Variants in GALNT18 observed in about 807,000 individuals in gnomAD.
The protein encoded by GALNT18 is polypeptide N-acetylgalactosaminyltransferase 18, also known as GalNAc-transferase 18.
A neutral mutation model predicts 69.5 loss-of-function variants in GALNT18; 44 were observed. The observed-to-expected ratio is 0.63, with a 90% CI of 0.50 to 0.81. The LOEUF is 0.81. GALNT18 is among the 40% of genes least tolerant of loss of function. The pLI is 0.00. For missense variants in GALNT18, 715 were observed against 810.0 expected (o/e 0.88, Z 1.42); for synonymous variants, 364 against 318.2 (o/e 1.14, Z -1.53).
At position 11,619,571 on chromosome 11, in the gene GALNT18, A is replaced by C. The variant is rs1860136181; in HGVS notation, c.235+1788T>G. ...GCTCACCTCCTGCCTGACCAGAAAGAAAAGCACAAGAGAATCATTTTCCAG... is the reference window on the plus strand; with the variant it reads ...GCTCACCTCCTGCCTGACCAGAAAGCAAAGCACAAGAGAATCATTTTCCAG... On this transcript the variant is annotated intron_variant, in intron 1 of 10. Transcript: ENST00000227756. The surrounding 1 kb of genome is among the most constrained non-coding windows in gnomAD (Gnocchi z 4.9). Among the ~76,000 whole-genome samples the C allele has an allele frequency of 6.6e-6, 1 of 152,170 alleles. No individual in the cohort carries two copies. Among genetic ancestry groups the C allele is most frequent in the South Asian group, 2.1e-4 (1 of 4,830 alleles).
chr11:11,529,638 T>C (rs7104918), intron 1 of GALNT18, among the ~76,000 whole-genome samples: 1,373 of 72,930 alleles, frequency 0.019, 19 homozygotes, highest in African/African-American at 0.073. Flanking sequence ...TATATATATA[T>C]ACACACACAC....
intron 6 of GALNT18, among the ~76,000 whole-genome samples, chr11:11,350,436 T>C (rs112114856): frequency 2.0e-5 from 3 of 152,324 alleles, no homozygotes; most frequent in African/African-American, 7.2e-5. Flanking sequence ...AAATCTCATA[T>C]CAGCCAACAG....
rs111831641 is a variant in GALNT18, at chr11:11,573,290, T to G, written c.235+48069A>C. Among the ~76,000 whole-genome samples the G allele has an allele frequency of 6.6e-6, 1 of 152,056 alleles. No homozygotes were observed. Among genetic ancestry groups the G allele is most frequent in the East Asian group, 1.9e-4 (1 of 5,184 alleles). On this transcript the variant is annotated intron_variant, in intron 1 of 10. Coordinates refer to ENST00000227756, the MANE Select transcript of GALNT18 (RefSeq NM_198516.3). The surrounding 1 kb of genome is among the most constrained non-coding windows in gnomAD (Gnocchi z 4.6). ...GAAGATGGAGCTCTCTGTCCCCGGG[T>G]GGGGCCGCAGCATCACAGTGCCTGT...
At chr11:11,296,179 A>G (rs747120190) in intron 9 of GALNT18, among the ~76,000 whole-genome samples, 4 of 152,192 alleles carry the variant, frequency 2.6e-5, no homozygotes, top group African/African-American at 9.6e-5. Flanking sequence ...TGGAGAAGCC[A>G]TGCCGCATTA....
intron 1 of GALNT18, among the ~76,000 whole-genome samples, chr11:11,585,569 T>C (rs139502490): frequency 0.016 from 2,440 of 152,116 alleles, 69 homozygotes; most frequent in African/African-American, 0.056. Flanking sequence ...TTGGTCAGGC[T>C]GGTCTCGAAC....
At chr11:11,345,845 G>T (rs1179970023) in intron 6 of GALNT18, among the ~76,000 whole-genome samples, 1 of 152,170 alleles carries the variant, frequency 6.6e-6, no homozygotes, top group African/African-American at 2.4e-5. Flanking sequence ...GGCACAGGAA[G>T]AAACCACCAA....
chr11:11,395,473 C>A (rs895322689), intron 3 of GALNT18, among the ~76,000 whole-genome samples: 1 of 152,176 alleles, frequency 6.6e-6, no homozygotes. Context: ...TTAGTCTTCA[C>A]AATGATCCCA....
At chr11:11,280,517 G>A (rs1849050115) in intron 10 of GALNT18, among the ~76,000 whole-genome samples, 1 of 152,076 alleles carries the variant, frequency 6.6e-6, no homozygotes, top group Admixed American at 6.5e-5. Flanking sequence ...GCTCCCCTGA[G>A]GCTTCCCCAG....
intron 3 of GALNT18, among the ~76,000 whole-genome samples, chr11:11,419,334 C>T (rs1194686561): frequency 5.9e-5 from 9 of 152,072 alleles, no homozygotes; most frequent in East Asian, 1.9e-4. Context: ...TGGTGGCTCA[C>T]GCCTGTAATC....
intron 1 of GALNT18, among the ~76,000 whole-genome samples, chr11:11,525,677 C>G (rs1857504538): frequency 6.7e-6 from 1 of 148,554 alleles, no homozygotes; most frequent in African/African-American, 2.5e-5. Context: ...TTTTGTTGCC[C>G]AGGCTGAAGT....
chr11:11,602,979 T>C lies in GALNT18; in HGVS notation c.235+18380A>G, dbSNP rs1206596474. On this transcript the variant is annotated intron_variant, in intron 1 of 10. Coordinates refer to ENST00000227756, the MANE Select transcript of GALNT18 (RefSeq NM_198516.3). The surrounding 1 kb of genome is among the most constrained non-coding windows in gnomAD (Gnocchi z 4.7). ...GGTTTCTAGGGAAAATAGATCAGAA[T>C]ATTTAAAATTGGGTTGTCCCATATA... Among the ~76,000 whole-genome samples the C allele has an allele frequency of 6.6e-6, 1 of 152,250 alleles. No homozygotes were observed. The highest frequency in any genetic ancestry group is 1.5e-5 in the Non-Finnish European group (1 of 68,044).
At chr11:11,565,594 T>C (rs1417278126) in intron 1 of GALNT18, among the ~76,000 whole-genome samples, 1 of 152,222 alleles carries the variant, frequency 6.6e-6, no homozygotes, top group Non-Finnish European at 1.5e-5. Context: ...CCCTGCACCA[T>C]GGAGGAATCC....
chr11:11,548,310 G>A (rs1590089223), intron 1 of GALNT18, among the ~76,000 whole-genome samples: 1 of 152,260 alleles, frequency 6.6e-6, no homozygotes, highest in East Asian at 1.9e-4. Flanking sequence ...GCACTGCATG[G>A]AACACCCTAG....
chr11:11,532,764 GTGC>G (rs1857684794), intron 1 of GALNT18, among the ~76,000 whole-genome samples: 1 of 152,246 alleles, frequency 6.6e-6, no homozygotes, highest in African/African-American at 2.4e-5. Flanking sequence ...TCCAGGACAA[GTGC>G]TTTCTGACTG....
intron 6 of GALNT18, among the ~76,000 whole-genome samples, chr11:11,355,113 G>A (rs562082536): frequency 2.2e-3 from 334 of 152,168 alleles, no homozygotes; most frequent in African/African-American, 7.5e-3. Context: ...CCTTCAATCC[G>A]TATTGCCCTC....
rs1264436978 is a variant in GALNT18, at chr11:11,494,719, AC to A, written c.236-45784del. Among the ~76,000 whole-genome samples, 1 of 152,214 alleles carries A rather than the reference AC, an allele frequency of 6.6e-6. No homozygotes were observed. The highest frequency in any genetic ancestry group is 1.5e-5 in the Non-Finnish European group (1 of 68,042). ...AGTTCCTCTTCTATTCTGTCAGTAC[AC>A]ACACTCCTCATCCTGGGGCATTTCC... is the stretch of plus-strand genomic sequence containing the variant. On this transcript the variant is annotated intron_variant, in intron 1 of 10. Coordinates refer to ENST00000227756, the MANE Select transcript of GALNT18 (RefSeq NM_198516.3). This position sits in a 1 kb window ranked among gnomAD's most constrained non-coding sequence, Gnocchi z 5.7.
chr11:11,395,238 G>GCC (rs1854300332), intron 3 of GALNT18, among the ~76,000 whole-genome samples: 1 of 152,304 alleles, frequency 6.6e-6, no homozygotes, highest in African/African-American at 2.4e-5. Flanking sequence ...AATGCTGCTG[G>GCC]CCCAAGAGAG....
rs1854092736 is a variant in GALNT18, at chr11:11,387,896, C to G, written c.596-8632G>C. On this transcript the variant is annotated intron_variant, in intron 3 of 10. Coordinates refer to ENST00000227756, the MANE Select transcript of GALNT18 (RefSeq NM_198516.3). The surrounding 1 kb of genome is among the most constrained non-coding windows in gnomAD (Gnocchi z 4.6). ...GTATTCCTCTGTCTTGAAGATCACT[C>G]CAGACAAGCTTTCAAACCCTGGGCA... Among the ~76,000 whole-genome samples, 1 of 152,196 alleles carries G rather than the reference C, an allele frequency of 6.6e-6. No individual in the cohort carries two copies. Among genetic ancestry groups the G allele is most frequent in the Non-Finnish European group, 1.5e-5 (1 of 68,036 alleles).
At chr11:11,488,677 C>T (rs1298201454) in intron 1 of GALNT18, among the ~76,000 whole-genome samples, 3 of 152,058 alleles carry the variant, frequency 2.0e-5, no homozygotes, top group Non-Finnish European at 2.9e-5. Context: ...AACTCCTGGC[C>T]CTTGGCAGCA....
Sources: allele counts gnomAD v4.1 joint callset (sites outside exome capture counted in the v4.1 genomes callset), GRCh38; gene constraint gnomAD v4.1.1; non-coding constraint Gnocchi (gnomAD v3.1); transcripts MANE v1.5; gene names NCBI Gene and HGNC (gene_info 2026-07-23, HGNC 2026-07-21).